The following CCDC88A variants were observed in gnomAD, a reference collection of about 807,000 sequenced individuals.
The protein encoded by CCDC88A is girdin.
Under a neutral mutation model 234.3 loss-of-function variants are expected in CCDC88A, and 54 were observed. That is an observed-to-expected ratio of 0.23 (90% confidence interval 0.19 to 0.29). The LOEUF is 0.29. CCDC88A is among the 10% of genes least tolerant of loss of function. CCDC88A has a pLI of 1.00. For synonymous variants in CCDC88A, 753 were observed against 737.8 expected, an observed-to-expected ratio of 1.02 and a Z score of -0.33; for missense variants, 1,832 against 2,123.4, an observed-to-expected ratio of 0.86 and a Z score of 2.70.
At chr2:55,294,887 G>T in intron 31 of CCDC88A, 1 of 1,085,102 alleles carries the variant, frequency 9.2e-7, no homozygotes, top group Non-Finnish European at 1.1e-6. Flanking sequence ...GTTTTGGTGT[G>T]GTTACACATT....
chr2:55,345,562 A>C (rs1669005031), intron 10 of CCDC88A: 2 of 152,388 alleles, frequency 1.3e-5, no homozygotes, highest in Non-Finnish European at 2.9e-5. Flanking sequence ...ATGCCCAGCT[A>C]ATTTTTGTAT....
chr2:55,374,244 T>C (rs762552516), intron 4 of CCDC88A, among the ~76,000 whole-genome samples: 1 of 152,124 alleles, frequency 6.6e-6, no homozygotes, highest in Non-Finnish European at 1.5e-5. Flanking sequence ...TGACCACGCC[T>C]ATAATTCCAG....
chr2:55,378,738 C>CTTTTTT (rs79242911), intron 3 of CCDC88A, among the ~76,000 whole-genome samples: 8 of 142,952 alleles, frequency 5.6e-5, no homozygotes, highest in Non-Finnish European at 9.1e-5. Flanking sequence ...TACACATATA[C>CTTTTTT]TTTTTTTTTT....
chr2:55,413,823 G>A (rs541462588), intron 2 of CCDC88A, among the ~76,000 whole-genome samples: 10 of 152,106 alleles, frequency 6.6e-5, no homozygotes, highest in Middle Eastern at 3.4e-3. Context: ...ATGGTAGCGC[G>A]TGCCTGTGGT....
At chr2:55,403,330 C>A (rs1406678479) in intron 2 of CCDC88A, 1 of 152,152 alleles carries the variant, frequency 6.6e-6, no homozygotes, top group Non-Finnish European at 1.5e-5. Context: ...CTTTGTTATG[C>A]AAGAACATTA....
chr2:55,382,849 T>C (rs993884912), intron 3 of CCDC88A, among the ~76,000 whole-genome samples: 2 of 152,146 alleles, frequency 1.3e-5, no homozygotes, highest in African/African-American at 4.8e-5. Flanking sequence ...TTCATTAGTC[T>C]TATATTATTA....
rs1486016592 is a variant in CCDC88A, at chr2:55,322,431, A to G, written c.3162+97T>C. The G allele has an allele frequency of 2.5e-5, 18 of 717,930 alleles. 1 individual carries two copies. Among genetic ancestry groups the G allele is most frequent in the African/African-American group, 1.8e-4 (10 of 55,668 alleles). 44.5% of individuals were successfully genotyped at this position (717,930 alleles called of 1,614,324 possible). A position where few individuals can be genotyped will look rare whatever the true frequency, so the allele number is the denominator to read the frequency against. ...AGAATTTTCTTATTAAGTGCCATCAATTGTTTAAATATTAGAAAATGTATC... is the reference window on the plus strand; with the variant it reads ...AGAATTTTCTTATTAAGTGCCATCAGTTGTTTAAATATTAGAAAATGTATC... On this transcript the variant is annotated intron_variant, in intron 18 of 32. Coordinates refer to ENST00000436346, the MANE Select transcript of CCDC88A (RefSeq NM_001365480.1).
chr2:55,403,341 T>C (rs1426373218), intron 2 of CCDC88A: 1 of 152,232 alleles, frequency 6.6e-6, no homozygotes, highest in African/African-American at 2.4e-5. Flanking sequence ...AAGAACATTA[T>C]GTATGGTTCC....
intron 16 of CCDC88A, among the ~76,000 whole-genome samples, chr2:55,331,142 C>T (rs1299302143): frequency 6.6e-6 from 1 of 152,132 alleles, no homozygotes; most frequent in Non-Finnish European, 1.5e-5. Context: ...TCTACTTTTT[C>T]TTTTGCAAAC....
chr2:55,303,610 A>G (rs1239012211), intron 25 of CCDC88A, among the ~76,000 whole-genome samples: 2 of 151,922 alleles, frequency 1.3e-5, no homozygotes, highest in Non-Finnish European at 2.9e-5. Context: ...CGCACTCCCA[A>G]CCTCAGGTGA....
chr2:55,303,461 C>T (rs1449819290), intron 25 of CCDC88A, among the ~76,000 whole-genome samples: 1 of 148,888 alleles, frequency 6.7e-6, no homozygotes, highest in African/African-American at 2.5e-5. Context: ...GGCACGATCT[C>T]GGCTCACTGC....
intron 9 of CCDC88A, chr2:55,348,437 C>T (rs1669462097): frequency 6.6e-6 from 1 of 151,958 alleles, no homozygotes; most frequent in Admixed American, 6.6e-5. Flanking sequence ...TCACGTCCGG[C>T]TAATTTTTGG....
At position 55,339,613 on chromosome 2, in the gene CCDC88A, A is replaced by G. The variant is rs144393509; in HGVS notation, c.1369T>C (p.Leu457=). The G allele has an allele frequency of 9.7e-4, 1,556 of 1,612,154 alleles. 5 individuals carry two copies. In the Middle Eastern group the frequency reaches 0.012, roughly 12 times the overall value. The stretch of plus-strand genomic sequence containing the variant: ...AGCTTCAATAATCTACTTGATGTCA[A>G]CTCATTCACCTCATGGCCCAGGGAT... The part of the protein sequence containing the change: ...QKSLGHEVNE[L]TSSRLLKLEM... The change falls in exon 13 of 33, where the codon TTG becomes CTG. Residue 457 remains leucine, a synonymous_variant. Transcript: ENST00000436346.
chr2:55,407,615 T>TAAATA (rs552378399), intron 2 of CCDC88A, among the ~76,000 whole-genome samples: 41 of 151,668 alleles, frequency 2.7e-4, no homozygotes, highest in Admixed American at 3.9e-4. Context: ...AAACAATAAG[T>TAAATA]AAATAAAATA....
intron 29 of CCDC88A, among the ~76,000 whole-genome samples, chr2:55,298,770 G>A (rs1680505315): frequency 6.6e-6 from 1 of 151,716 alleles, no homozygotes; most frequent in Non-Finnish European, 1.5e-5. Flanking sequence ...AGTTACGTGG[G>A]AGGCTGACGT....
rs1175107274 is a variant in CCDC88A, at chr2:55,292,327, T to C, written c.5552-552A>G. ...AAAATTAGGGTACTGAATCTTCGAA[T>C]AGTTTTACAAATAATCCTTTTGAAA... On this transcript the variant is annotated intron_variant, in intron 31 of 32. Transcript: ENST00000436346. 3 of 152,216 alleles carry C rather than the reference T, an allele frequency of 2.0e-5. 1 individual carries two copies. The highest frequency in any genetic ancestry group is 2.9e-5 in the Non-Finnish European group (2 of 68,036). The allele number at this position is 152,216 out of a possible 1,614,324, so 9.4% of individuals were successfully genotyped here. A position where few individuals can be genotyped will look rare whatever the true frequency, so the allele number is the denominator to read the frequency against.
Position 55,318,976 on chromosome 2 carries a change from G to A in CCDC88A, c.3191C>T (p.Ala1064Val). The change falls in exon 19 of 33, where the codon GCG (alanine) becomes GTG (valine). Residue 1064 changes from alanine (A) to valine (V), a missense_variant. By Grantham distance (64) the Ala-to-Val change is moderately conservative. Coordinates refer to ENST00000436346, the MANE Select transcript of CCDC88A (RefSeq NM_001365480.1). ...NNATLQAEKQALKTQLKQLET... is the reference protein window; with the variant it reads ...NNATLQAEKQVLKTQLKQLET... The stretch of plus-strand genomic sequence containing the variant: ...AAGTTGCTTCAGTTGAGTTTTCAAC[G>A]CTTGCTTCTCTGCTTGCAGTGTAGC... The A allele has an allele frequency of 6.2e-7, 1 of 1,612,854 alleles. No homozygotes were observed. Among genetic ancestry groups the A allele is most frequent in the Non-Finnish European group, 8.5e-7 (1 of 1,179,270 alleles).
intron 12 of CCDC88A, among the ~76,000 whole-genome samples, chr2:55,342,787 T>C (rs541876521): frequency 6.6e-6 from 1 of 152,276 alleles, no homozygotes; most frequent in South Asian, 2.1e-4. Context: ...CACTGGATTA[T>C]AAAATCTCAA....
At chr2:55,361,050 C>T (rs948202508) in intron 7 of CCDC88A, among the ~76,000 whole-genome samples, 2 of 152,168 alleles carry the variant, frequency 1.3e-5, no homozygotes, top group African/African-American at 4.8e-5. Context: ...CACACCACTG[C>T]ACTCCAGCCT....
Sources: gnomAD v4.1 joint callset for allele counts (sites outside exome capture counted in the v4.1 genomes callset) on GRCh38, gnomAD v4.1.1 for gene constraint, MANE v1.5 for transcripts, NCBI Gene and HGNC (gene_info 2026-07-23, HGNC 2026-07-21) for gene names.